Variants in VPS13A observed in about 807,000 individuals in gnomAD.
VPS13A encodes the protein intermembrane lipid transfer protein VPS13A.
In VPS13A, 264 loss-of-function variants were observed where a neutral mutation model predicts 390.9. The observed-to-expected ratio is 0.68, with a 90% CI of 0.61 to 0.75. The LOEUF is 0.75. VPS13A is among the 30% of genes least tolerant of loss of function. The probability of loss-of-function intolerance (pLI) is 0.00; values close to 1 mark genes in which losing one functional copy is unlikely to be tolerated. For missense variants in VPS13A, 3,409 were observed against 3,733.9 expected, an observed-to-expected ratio of 0.91 and a Z score of 2.27; for synonymous variants, 1,231 against 1,227.1, an observed-to-expected ratio of 1.00 and a Z score of -0.07.
intron 71 of VPS13A, among the ~76,000 whole-genome samples, chr9:77,408,264 G>A (rs1834724359): frequency 6.6e-6 from 1 of 152,218 alleles, no homozygotes; most frequent in Non-Finnish European, 1.5e-5. Flanking sequence ...GTGCTATTCA[G>A]AATGTTGAGT....
Position 77,419,638 on chromosome 9 carries a change from A to C in VPS13A, c.*3632A>C, listed in dbSNP as rs1028285391. On this transcript the variant is annotated 3_prime_UTR_variant, in exon 72 of 72. Coordinates refer to ENST00000360280, the MANE Select transcript of VPS13A (RefSeq NM_033305.3). ...GCTGTGTATCGGGCAACCTCACATG[A>C]TTCAGTGGGACCAGAAAAAGCATAG... 6.6e-6 allele frequency: 1 copy of C among 152,168 alleles called. No homozygotes were observed. The highest frequency in any genetic ancestry group is 2.4e-5 in the African/African-American group (1 of 41,444). 9.4% of individuals were successfully genotyped at this position (152,168 alleles called of 1,614,324 possible).
chr9:77,404,037 T>C (rs1244492505), intron 69 of VPS13A, among the ~76,000 whole-genome samples: 1 of 152,210 alleles, frequency 6.6e-6, no homozygotes, highest in Non-Finnish European at 1.5e-5. Context: ...ACTTTTAATG[T>C]TGTAATCTCA....
intron 19 of VPS13A, among the ~76,000 whole-genome samples, chr9:77,243,918 T>C (rs1168695932): frequency 6.6e-6 from 1 of 152,238 alleles, no homozygotes; most frequent in African/African-American, 2.4e-5. Flanking sequence ...GGGACTGTTT[T>C]GTTACTCCAA....
intron 68 of VPS13A, chr9:77,384,693 GTTCT>G (rs1833609781): frequency 1.3e-6 from 2 of 1,594,026 alleles, no homozygotes; most frequent in African/African-American, 2.7e-5. Context: ...AAATTCATAT[GTTCT>G]TTATTTTACT....
intron 31 of VPS13A, among the ~76,000 whole-genome samples, chr9:77,290,067 C>G (rs748123686): frequency 6.6e-6 from 1 of 152,172 alleles, no homozygotes; most frequent in Non-Finnish European, 1.5e-5. Flanking sequence ...CAGGCGTGAG[C>G]CACCGCATCT....
chr9:77,400,223 A>AT (rs34605855), intron 68 of VPS13A, among the ~76,000 whole-genome samples: 13,308 of 87,924 alleles, frequency 0.15, 1,354 homozygotes, highest in East Asian at 0.3. Context: ...TATCAGTCAG[A>AT]TTTTTTTTTT....
chr9:77,325,401 G>GTTTT lies in VPS13A; in HGVS notation c.5991+2189_5991+2192dup, dbSNP rs566722890. On this transcript the variant is annotated intron_variant, in intron 45 of 71. Coordinates refer to ENST00000360280, the MANE Select transcript of VPS13A (RefSeq NM_033305.3). Reference sequence around the variant, plus strand: ...TGTAGCCACCATGTAGTTAGACCTTGTTTTTTTTTTTTTTTTTTAACATAA... The same window carrying GTTTT: ...TGTAGCCACCATGTAGTTAGACCTTGTTTTTTTTTTTTTTTTTTTTTTAACATAA... 7.4e-3 allele frequency among the ~76,000 whole-genome samples: 912 copies of GTTTT among 123,396 alleles called. 12 individuals carry two copies. The highest frequency in any genetic ancestry group is 0.025 in the African/African-American group (852 of 34,314). The allele number at this position is 123,396 out of a possible 152,430, so 81.0% of individuals were successfully genotyped here. A position where few individuals can be genotyped will look rare whatever the true frequency, so the allele number is the denominator to read the frequency against.
At chr9:77,332,616 A>G (rs1018405673) in intron 46 of VPS13A, among the ~76,000 whole-genome samples, 2 of 151,978 alleles carry the variant, frequency 1.3e-5, no homozygotes, top group African/African-American at 4.8e-5. Context: ...ATTTGATACA[A>G]TATGTTTTAA....
intron 31 of VPS13A, among the ~76,000 whole-genome samples, chr9:77,286,041 G>C (rs774399786): frequency 6.6e-6 from 1 of 152,170 alleles, no homozygotes; most frequent in African/African-American, 2.4e-5. Flanking sequence ...CAGGGTTTGG[G>C]AGTAGGGGTT....
chr9:77,278,591 G>A (rs1046376989), intron 26 of VPS13A, among the ~76,000 whole-genome samples: 1 of 152,114 alleles, frequency 6.6e-6, no homozygotes, highest in African/African-American at 2.4e-5. Context: ...AAACAAAGTG[G>A]GAACTTTTTT....
Position 77,385,178 on chromosome 9 carries a change from A to G in VPS13A, c.9189+3091A>G, listed in dbSNP as rs908468045. On this transcript the variant is annotated intron_variant, in intron 68 of 71. Transcript: ENST00000360280. ...CAAATTTCTTTTAATAATAATAAAC[A>G]TATGTAATCTAAAGGAGTGTGAATT... 26 of 921,670 alleles carry G rather than the reference A, an allele frequency of 2.8e-5. No homozygotes were observed. In the Admixed American group the frequency reaches 2.9e-4, roughly 10 times the overall value. The allele number at this position is 921,670 out of a possible 1,614,324, so 57.1% of individuals were successfully genotyped here.
intron 27 of VPS13A, among the ~76,000 whole-genome samples, chr9:77,280,760 T>C (rs1043719555): frequency 6.6e-6 from 1 of 152,202 alleles, no homozygotes; most frequent in Non-Finnish European, 1.5e-5. Context: ...ATAATTACTT[T>C]ATAATAAGAA....
At chr9:77,382,372 G>T in intron 68 of VPS13A, 1 of 1,490,504 alleles carries the variant, frequency 6.7e-7, no homozygotes. Context: ...ACTACGTACA[G>T]CTGTTTCAGT....
At position 77,421,232 on chromosome 9, in the gene VPS13A, TAC is replaced by T. The variant is rs1273696786; in HGVS notation, c.*5229_*5230del. 6.6e-6 allele frequency: 1 copy of T among 152,256 alleles called. No homozygotes were observed. The highest frequency in any genetic ancestry group is 1.9e-4 in the East Asian group (1 of 5,196). 9.4% of individuals were successfully genotyped at this position (152,256 alleles called of 1,614,324 possible). ...ATTTCTGCATCGCTGCAGGATTTCC[TAC>T]ACTTTTCTGTTCCTCATCCCTCTTT... On this transcript the variant is annotated 3_prime_UTR_variant, in exon 72 of 72. Coordinates refer to ENST00000360280, the MANE Select transcript of VPS13A (RefSeq NM_033305.3).
intron 52 of VPS13A, among the ~76,000 whole-genome samples, chr9:77,348,990 A>G (rs1231563447): frequency 6.6e-6 from 1 of 152,146 alleles, no homozygotes; most frequent in Non-Finnish European, 1.5e-5. Context: ...TCATGGAAAA[A>G]TGAAGAGTAT....
chr9:77,405,032 C>A (rs1211421956), intron 69 of VPS13A, among the ~76,000 whole-genome samples: 2 of 151,810 alleles, frequency 1.3e-5, no homozygotes, highest in Non-Finnish European at 2.9e-5. Flanking sequence ...TCTGGTTGCA[C>A]CTACAATTGA....
At chr9:77,244,161 C>A (rs1824670684) in intron 19 of VPS13A, among the ~76,000 whole-genome samples, 1 of 152,086 alleles carries the variant, frequency 6.6e-6, no homozygotes, top group South Asian at 2.1e-4. Context: ...TTGCTTGAGC[C>A]CGGGAGGTCA....
At chr9:77,346,777 T>TG (rs1831180661) in intron 52 of VPS13A, among the ~76,000 whole-genome samples, 1 of 152,156 alleles carries the variant, frequency 6.6e-6, no homozygotes, top group African/African-American at 2.4e-5. Flanking sequence ...GAATAGGAGA[T>TG]AGTCAAAGTA....
rs563067824 is a variant in VPS13A, at chr9:77,337,107, T to G, written c.6096-148T>G. 1.7e-3 allele frequency: 1,507 copies of G among 897,328 alleles called. 7 individuals carry two copies. The highest frequency in any genetic ancestry group is 5.4e-3 in the Middle Eastern group (15 of 2,758). The allele number at this position is 897,328 out of a possible 1,614,324, so 55.6% of individuals were successfully genotyped here. A position where few individuals can be genotyped will look rare whatever the true frequency, so the allele number is the denominator to read the frequency against. ...CCACCGCGCCTGGCCTTATCTATCT[T>G]ACTTATATCGTAAAAAGTATATGAA... On this transcript the variant is annotated intron_variant, in intron 46 of 71. Transcript: ENST00000360280.
Sources: gnomAD v4.1 joint callset for allele counts (sites outside exome capture counted in the v4.1 genomes callset) on GRCh38, gnomAD v4.1.1 for gene constraint, MANE v1.5 for transcripts, NCBI Gene and HGNC (gene_info 2026-07-23, HGNC 2026-07-21) for gene names.